VPS13B: variants seen among roughly 807,000 people sequenced by gnomAD.
VPS13B encodes intermembrane lipid transfer protein VPS13B.
A neutral mutation model predicts 426.4 loss-of-function variants in VPS13B; 285 were observed. That is an observed-to-expected ratio of 0.67 (90% CI 0.61 to 0.74). The LOEUF is 0.74. VPS13B is among the 30% of genes least tolerant of loss of function. The pLI, the probability that VPS13B is intolerant of heterozygous loss-of-function variation, is 0.00. For synonymous variants in VPS13B, 1,676 were observed against 1,676.4 expected, an observed-to-expected ratio of 1.00 and a Z score of 0.01; for missense variants, 4,537 against 4,782.6, an observed-to-expected ratio of 0.95 and a Z score of 1.51.
intron 35 of VPS13B, among the ~76,000 whole-genome samples, chr8:99,677,808 T>C (rs1358842031): frequency 6.6e-6 from 1 of 152,184 alleles, no homozygotes; most frequent in Admixed American, 6.5e-5. Context: ...AGAGTGAGAG[T>C]AATTGGGAAA....
chr8:99,823,486 G>T (rs1814497940), intron 50 of VPS13B, among the ~76,000 whole-genome samples: 1 of 152,130 alleles, frequency 6.6e-6, no homozygotes. Flanking sequence ...GTGGAATTCT[G>T]CCAAGTAAGA....
chr8:99,559,028 A>C (rs551179344), intron 31 of VPS13B, among the ~76,000 whole-genome samples: 17 of 150,440 alleles, frequency 1.1e-4, no homozygotes, highest in African/African-American at 3.5e-4. Context: ...TCCCACCAAC[A>C]GTGTAAAAGT....
chr8:99,073,680 T>C (rs72670210), intron 3 of VPS13B, among the ~76,000 whole-genome samples: 4,595 of 149,392 alleles, frequency 0.031, 103 homozygotes, highest in South Asian at 0.073. Flanking sequence ...CTTCCTCCTT[T>C]CCATTTGGAT....
rs1320596110 is a variant in VPS13B at position 99,818,824 on chromosome 8, G to A, written c.8557G>A (p.Gly2853Arg). Residue 2853 changes from glycine (G) to arginine (R), a missense_variant, in exon 47 of 62, where the codon GGG (glycine) becomes AGG (arginine). Around this residue, in one of 2 missense-constraint regions of VPS13B, gnomAD observed 4,311 missense variants for 4,474.3 expected, o/e 0.96. Transcript: ENST00000357162. The stretch of plus-strand genomic sequence containing the variant: ...TGAAACACAAATTATTCCAGGAAAA[G>A]GGCAGGAAAAACCACTGCAAAACAT... ...LSETQIIPGKGQEKPLQNIEP... is the reference protein window; with the variant it reads ...LSETQIIPGKRQEKPLQNIEP... The A allele has an allele frequency of 6.2e-7, 1 of 1,613,992 alleles. No individual in the cohort carries two copies.
In VPS13B at chr8:99,823,902, C is replaced by T. The variant is rs1281554766; in HGVS notation, c.9254C>T (p.Thr3085Ile). ...ATTATTCAGATTGAAGACAAGACTA[C>T]AATAATCAATAATACACCATATCAA... is the stretch of plus-strand genomic sequence containing the variant. ...IQIIQIEDKT[T>I]IINNTPYQIF... Residue 3085 changes from threonine (T) to isoleucine (I), a missense_variant, in exon 51 of 62, where the codon ACA (threonine) becomes ATA (isoleucine). Physicochemically the swap from Thr to Ile is moderately conservative, Grantham distance 89 (BLOSUM62 -1). Around this residue, in one of 2 missense-constraint regions of VPS13B, gnomAD observed 4,311 missense variants for 4,474.3 expected, o/e 0.96. Coordinates refer to ENST00000357162, the MANE Select transcript of VPS13B (RefSeq NM_152564.5). 6.2e-7 allele frequency: 1 copy of T among 1,613,260 alleles called. No homozygotes were observed. The highest frequency in any genetic ancestry group is 8.5e-7 in the Non-Finnish European group (1 of 1,179,584).
At chr8:99,737,535 A>T (rs919997308) in intron 39 of VPS13B, among the ~76,000 whole-genome samples, 2 of 152,076 alleles carry the variant, frequency 1.3e-5, no homozygotes, top group African/African-American at 4.8e-5. Context: ...TCTACTATGC[A>T]TTTTTATTAG....
chr8:99,503,113 A>C (rs141975882), intron 27 of VPS13B, among the ~76,000 whole-genome samples, 163 bp downstream of exon 27: 54 of 152,362 alleles, frequency 3.5e-4, no homozygotes, highest in African/African-American at 1.2e-3. Context: ...AATAAAGTGA[A>C]TATTTCAATA....
At chr8:99,308,709 T>A (rs1380332805) in intron 19 of VPS13B, among the ~76,000 whole-genome samples, 1 of 152,212 alleles carries the variant, frequency 6.6e-6, no homozygotes, top group African/African-American at 2.4e-5. Flanking sequence ...ATGGGATGGC[T>A]GGGTCAAATG....
intron 33 of VPS13B, among the ~76,000 whole-genome samples, chr8:99,591,808 A>G (rs369284512): frequency 1.3e-5 from 2 of 151,998 alleles, no homozygotes; most frequent in African/African-American, 4.8e-5. Context: ...TTCAACCTTA[A>G]TGAATCTCAC....
At chr8:99,804,467 G>C (rs1186567969) in intron 43 of VPS13B, 1 of 152,160 alleles carries the variant, frequency 6.6e-6, no homozygotes, top group Non-Finnish European at 1.5e-5. Flanking sequence ...TAATTGCCTG[G>C]GGACCGCAAC....
intron 23 of VPS13B, among the ~76,000 whole-genome samples, chr8:99,452,125 AC>A (rs1818227837): frequency 6.6e-6 from 1 of 151,780 alleles, no homozygotes; most frequent in African/African-American, 2.4e-5. Flanking sequence ...TTTCTGCTAC[AC>A]TCCCTGCTGC....
Position 99,817,523 on chromosome 8 carries a change from A to G in VPS13B, c.8098-17A>G. On this transcript the variant is annotated splice_polypyrimidine_tract_variant and intron_variant, in intron 44 of 61. Coordinates refer to ENST00000357162, the MANE Select transcript of VPS13B (RefSeq NM_152564.5). Reference sequence around the variant, plus strand: ...AGTCTGAATTGATGAAGCCTTATATACTTAACTGTCTTTTAGATTATCATC... The same window carrying G: ...AGTCTGAATTGATGAAGCCTTATATGCTTAACTGTCTTTTAGATTATCATC... 6.2e-7 allele frequency: 1 copy of G among 1,613,724 alleles called. No individual in the cohort carries two copies. Among genetic ancestry groups the G allele is most frequent in the Non-Finnish European group, 8.5e-7 (1 of 1,179,784 alleles).
chr8:99,017,496 T>A (rs562201674), intron 2 of VPS13B, among the ~76,000 whole-genome samples: 35 of 151,326 alleles, frequency 2.3e-4, no homozygotes, highest in Middle Eastern at 3.4e-3. Flanking sequence ...CATTTTATTT[T>A]TTTATTTTTA....
At chr8:99,696,484 G>A (rs1461451506) in intron 35 of VPS13B, 9 of 404,694 alleles carry the variant, frequency 2.2e-5, no homozygotes, top group Middle Eastern at 3.5e-4. Context: ...GACCTCCTCC[G>A]CTTGGTGCCG....
intron 3 of VPS13B, among the ~76,000 whole-genome samples, chr8:99,066,742 C>G (rs1844540187): frequency 6.6e-6 from 1 of 152,152 alleles, no homozygotes; most frequent in African/African-American, 2.4e-5. Flanking sequence ...AAAATTTTTG[C>G]AATCTACCCA....
At chr8:99,674,533 G>C (rs1199852981) in intron 35 of VPS13B, among the ~76,000 whole-genome samples, 1 of 151,746 alleles carries the variant, frequency 6.6e-6, no homozygotes, top group Non-Finnish European at 1.5e-5. Flanking sequence ...CTATTAATTT[G>C]CTCTTTCTTT....
At chr8:99,598,950 ACT>A (rs1827152762) in intron 33 of VPS13B, among the ~76,000 whole-genome samples, 1 of 149,884 alleles carries the variant, frequency 6.7e-6, no homozygotes, top group African/African-American at 2.4e-5. Context: ...AATATACAGT[ACT>A]TAGTTCACCA....
intron 44 of VPS13B, among the ~76,000 whole-genome samples, chr8:99,813,041 C>T (rs1457641341): frequency 1.3e-5 from 2 of 152,088 alleles, no homozygotes; most frequent in Non-Finnish European, 1.5e-5. Context: ...AAATTCTAAC[C>T]ATAATTTTCA....
intron 3 of VPS13B, among the ~76,000 whole-genome samples, chr8:99,055,273 A>G (rs923769984): frequency 5.9e-5 from 9 of 152,120 alleles, no homozygotes; most frequent in Non-Finnish European, 1.0e-4. Context: ...TCCTGAGCTT[A>G]AAGCAATCTG....
Sources: allele counts gnomAD v4.1 joint callset (sites outside exome capture counted in the v4.1 genomes callset), GRCh38; gene constraint gnomAD v4.1.1; regional missense constraint gnomAD v4.1.1; transcripts MANE v1.5; gene names NCBI Gene and HGNC (gene_info 2026-07-23, HGNC 2026-07-21).